CCDC30: variants seen among roughly 807,000 people sequenced by gnomAD.
CCDC30 encodes coiled-coil domain-containing protein 30.
In CCDC30, 70 loss-of-function variants were observed where a neutral mutation model predicts 100.2. The ratio of observed to expected loss-of-function variants is 0.70; its 90% CI spans 0.58 to 0.85. The LOEUF (loss-of-function observed/expected upper bound fraction) is 0.85. CCDC30 is among the 40% of genes least tolerant of loss of function. CCDC30 has a pLI of 0.00. For missense variants in CCDC30, 652 were observed against 771.2 expected (o/e 0.85, Z 1.83); for synonymous variants, 233 against 269.5 (o/e 0.86, Z 1.33).
chr1:42,456,359 G>A, the CCDC30 span: 1 of 641,628 alleles, frequency 1.6e-6, no homozygotes, highest in African/African-American at 1.8e-5. Context: ...ACCCAGCCGG[G>A]GATCCCCCTC....
chr1:42,611,557 C>CATAT (rs200427349), intron 11 of CCDC30, among the ~76,000 whole-genome samples: 2,067 of 94,100 alleles, frequency 0.022, 26 homozygotes, highest in Middle Eastern at 0.041. Context: ...TCTTTCTATA[C>CATAT]ATACATACAT....
Position 42,491,583 on chromosome 1 carries a change from G to T in CCDC30, c.241+1354G>T, listed in dbSNP as rs555817111. Among the ~76,000 whole-genome samples, 4 of 151,978 alleles carry T rather than the reference G, an allele frequency of 2.6e-5. No individual in the cohort carries two copies. The South Asian group carries it at 8.3e-4, about 32-fold the overall frequency. On this transcript the variant is annotated intron_variant, in intron 4 of 16. Transcript: ENST00000668663. ...GACTATAGTCAATAATAATTTAATT[G>T]TACCTTTTAAAATAACTTAAAGAGT...
At chr1:42,467,077 G>T (rs1173527140) in intron 1 of CCDC30, among the ~76,000 whole-genome samples, 1 of 152,212 alleles carries the variant, frequency 6.6e-6, no homozygotes, top group Non-Finnish European at 1.5e-5. Context: ...AATATAAGCA[G>T]CATGATAGGG....
intron 6 of CCDC30, among the ~76,000 whole-genome samples, chr1:42,517,591 T>G (rs1303059881): frequency 1.3e-5 from 2 of 152,174 alleles, no homozygotes; most frequent in Admixed American, 1.3e-4. Flanking sequence ...GAATTAATTT[T>G]TGTGAATAGT....
chr1:42,644,277 G>A (rs1265335751), intron 13 of CCDC30, among the ~76,000 whole-genome samples: 1 of 152,166 alleles, frequency 6.6e-6, no homozygotes, highest in Non-Finnish European at 1.5e-5. Flanking sequence ...CTGTGTTTGA[G>A]GGCAGGAAGC....
exon 1 of CCDC30, chr1:42,463,416 GC>G (rs1643469220): frequency 6.6e-6 from 1 of 152,248 alleles, no homozygotes; most frequent in Non-Finnish European, 1.5e-5. Flanking sequence ...TCCTGCCTCA[GC>G]CCCAAGGAGG....
chr1:42,580,246 T>C (rs766160169), intron 8 of CCDC30, among the ~76,000 whole-genome samples: 7 of 152,240 alleles, frequency 4.6e-5, no homozygotes, highest in Non-Finnish European at 8.8e-5. Context: ...TGAGCTGGCC[T>C]CAGATGGCTG....
intron 3 of CCDC30, 64 bp downstream of exon 3, chr1:42,482,880 G>T: frequency 3.8e-6 from 4 of 1,048,634 alleles, no homozygotes; most frequent in African/African-American, 1.7e-5. Flanking sequence ...TCATCTCAGG[G>T]TGGAACATGA....
chr1:42,534,799 G>A lies in CCDC30; in HGVS notation c.457-31497G>A, dbSNP rs1644864747. On this transcript the variant is annotated intron_variant, in intron 6 of 16. Transcript: ENST00000668663. ...AACTTGTTGCTAGGAAGCGATTTCA[G>A]GGCTACTACCTCAGAAGAAGATGCT... 4 of 152,252 alleles carry A rather than the reference G, an allele frequency of 2.6e-5. No homozygotes were observed. In the South Asian group the frequency reaches 8.3e-4, roughly 32 times the overall value. The allele number at this position is 152,252 out of a possible 1,614,324, so 9.4% of individuals were successfully genotyped here.
intron 6 of CCDC30, among the ~76,000 whole-genome samples, chr1:42,544,093 A>G (rs1326579147): frequency 6.6e-6 from 1 of 151,974 alleles, no homozygotes; most frequent in Non-Finnish European, 1.5e-5. Context: ...GGGTCTTGCT[A>G]TGTTGCTTAG....
chr1:42,469,770 T>C (rs1199836724), intron 1 of CCDC30, among the ~76,000 whole-genome samples: 1 of 152,174 alleles, frequency 6.6e-6, no homozygotes, highest in Admixed American at 6.5e-5. Flanking sequence ...GACTGTTTTA[T>C]GATGACCTTT....
chr1:42,545,705 G>A (rs1234878481), intron 6 of CCDC30, 126 bp downstream of exon 9: 8 of 742,040 alleles, frequency 1.1e-5, no homozygotes, highest in East Asian at 3.4e-5. Flanking sequence ...CCAGCACTTC[G>A]GGAGACTGAG....
intron 1 of CCDC30, among the ~76,000 whole-genome samples, chr1:42,479,206 T>A (rs1384345558): frequency 6.6e-6 from 1 of 152,108 alleles, no homozygotes; most frequent in Non-Finnish European, 1.5e-5. Context: ...TGAAACCCCA[T>A]CTCTACTAAA....
chr1:42,514,283 A>G (rs1246120803), intron 6 of CCDC30, among the ~76,000 whole-genome samples: 5 of 152,210 alleles, frequency 3.3e-5, no homozygotes, highest in African/African-American at 1.2e-4. Flanking sequence ...ATTGGGTCAT[A>G]TGCTAACTCT....
intron 6 of CCDC30, among the ~76,000 whole-genome samples, chr1:42,562,490 A>T (rs1449301579): frequency 2.0e-5 from 3 of 152,194 alleles, no homozygotes; most frequent in Non-Finnish European, 4.4e-5. Flanking sequence ...TAAAACTCAA[A>T]ACCACAATAA....
At chr1:42,517,651 A>T (rs1434529565) in intron 6 of CCDC30, among the ~76,000 whole-genome samples, 3 of 151,978 alleles carry the variant, frequency 2.0e-5, no homozygotes, top group Non-Finnish European at 2.9e-5. Flanking sequence ...TTGTTTTATC[A>T]CCATTTACTA....
At chr1:42,480,991 G>A (rs745837940) in intron 2 of CCDC30, among the ~76,000 whole-genome samples, 17 of 151,978 alleles carry the variant, frequency 1.1e-4, no homozygotes, top group Middle Eastern at 6.8e-3. Context: ...GTGTGGTGTA[G>A]TTCCAGTTAC....
rs189288606 is a variant in CCDC30, at chr1:42,582,439, A to G, written c.1001+925A>G. On this transcript the variant is annotated intron_variant, in intron 9 of 16. Coordinates refer to ENST00000668663, the Ensembl canonical transcript of CCDC30. ...AGATTGGGAAACAAAAAGAAATCAG[A>G]AGGAGCCAAATCAGGACTGTAAGGT... 6.8e-4 allele frequency among the ~76,000 whole-genome samples: 103 copies of G among 152,292 alleles called. No homozygotes were observed. In the East Asian group the frequency reaches 0.019, roughly 28 times the overall value.
intron 6 of CCDC30, among the ~76,000 whole-genome samples, chr1:42,530,504 A>C (rs541022143): frequency 6.6e-6 from 1 of 152,304 alleles, no homozygotes; most frequent in African/African-American, 2.4e-5. Flanking sequence ...ACAATACAAC[A>C]ATAAAATAAT....
Sources: allele counts gnomAD v4.1 joint callset (sites outside exome capture counted in the v4.1 genomes callset), GRCh38; gene constraint gnomAD v4.1.1; transcripts MANE v1.5; gene names NCBI Gene and HGNC (gene_info 2026-07-23, HGNC 2026-07-21).